The following PBRM1 variants were observed in gnomAD, a reference collection of about 807,000 sequenced individuals.
PBRM1 encodes polybromo 1, also known as protein polybromo-1.
PBRM1 carries 27 observed loss-of-function variants against 194.5 expected under a neutral mutation model. That is an observed-to-expected ratio of 0.14 (90% CI 0.10 to 0.19). The LOEUF (loss-of-function observed/expected upper bound fraction) is 0.19, where lower values mean the gene tolerates loss of function less well. PBRM1 is among the 10% of genes least tolerant of loss of function. PBRM1 has a pLI of 1.00. For synonymous variants in PBRM1, 655 were observed against 693.2 expected (o/e 0.94, Z 0.87); for missense variants, 1,466 against 2,077.2 (o/e 0.71, Z 5.72).
At chr3:52,565,392 C>T (rs2084858656) in intron 22 of PBRM1, among the ~76,000 whole-genome samples, 1 of 151,670 alleles carries the variant, frequency 6.6e-6, no homozygotes, top group South Asian at 2.1e-4. Flanking sequence ...CCTGTAAGCC[C>T]AGCTACTCAG....
intron 5 of PBRM1, 81 bp downstream of exon 6, chr3:52,658,114 ACTTT>A (rs2096644565): frequency 2.7e-6 from 2 of 737,022 alleles, no homozygotes; most frequent in Non-Finnish European, 2.5e-6. Context: ...TTTTGAACTT[ACTTT>A]ATTTATCAGT....
At chr3:52,650,031 T>C (rs2153795598) in intron 6 of PBRM1, among the ~76,000 whole-genome samples, 1 of 152,172 alleles carries the variant, frequency 6.6e-6, no homozygotes, top group South Asian at 2.1e-4. Context: ...TTAGGAGACT[T>C]GAGTCATTCT....
intron 20 of PBRM1, among the ~76,000 whole-genome samples, chr3:52,580,112 C>T (rs910227535): frequency 1.3e-5 from 2 of 152,112 alleles, no homozygotes; most frequent in Middle Eastern, 3.4e-3. Context: ...TGGTGACATG[C>T]GCCTGTATTC....
At chr3:52,553,592 T>C (rs1333044230) in intron 27 of PBRM1, among the ~76,000 whole-genome samples, 1 of 149,028 alleles carries the variant, frequency 6.7e-6, no homozygotes, top group Admixed American at 6.8e-5. Flanking sequence ...CAGGCTCAGG[T>C]AATTCTCCCA....
chr3:52,639,959 T>C (rs890939870), intron 10 of PBRM1, among the ~76,000 whole-genome samples: 6 of 152,138 alleles, frequency 3.9e-5, no homozygotes, highest in Non-Finnish European at 8.8e-5. Context: ...CAAATCTCTA[T>C]CTTCATTCGT....
rs3733045 is a variant in PBRM1 at position 52,609,291 on chromosome 3, A to G, written c.2567+22T>C. 0.42 allele frequency: 660,582 copies of G among 1,575,188 alleles called. 141,210 individuals carry two copies. Among genetic ancestry groups the G allele is most frequent in the Admixed American group, 0.54 (31,247 of 57,416 alleles). On this transcript the variant is annotated intron_variant, in intron 16 of 29. Transcript: ENST00000296302. This position sits in a 1 kb window ranked among gnomAD's most constrained non-coding sequence, Gnocchi z 4.1. ...ATTAAATAGCACATATCCTCAAAAT[A>G]AAAATGGCTTTGAAAACATACCGAT...
At chr3:52,652,530 T>A (rs934444873) in intron 5 of PBRM1, among the ~76,000 whole-genome samples, 1 of 144,560 alleles carries the variant, frequency 6.9e-6, no homozygotes, top group Non-Finnish European at 1.5e-5. Flanking sequence ...CTACTAAAAA[T>A]AGAAAAAAAA....
At chr3:52,668,156 G>GC (rs1192314195) in intron 3 of PBRM1, among the ~76,000 whole-genome samples, 1 of 152,128 alleles carries the variant, frequency 6.6e-6, no homozygotes, top group African/African-American at 2.4e-5. Flanking sequence ...AATTAGCTGG[G>GC]CATGGTGGCA....
At chr3:52,600,649 C>T (rs2153275327) in intron 17 of PBRM1, among the ~76,000 whole-genome samples, 1 of 152,102 alleles carries the variant, frequency 6.6e-6, no homozygotes, top group Admixed American at 6.6e-5. Flanking sequence ...TGATAAATTA[C>T]TTTGTTTTTG....
intron 16 of PBRM1, among the ~76,000 whole-genome samples, chr3:52,605,027 T>C (rs944940930): frequency 2.6e-5 from 4 of 151,420 alleles, no homozygotes; most frequent in African/African-American, 7.3e-5. Flanking sequence ...CTTCAGACTT[T>C]AGAATTTTGA....
intron 12 of PBRM1, among the ~76,000 whole-genome samples, chr3:52,628,616 G>A (rs1198453710): frequency 3.3e-5 from 5 of 151,774 alleles, no homozygotes; most frequent in African/African-American, 7.3e-5. Flanking sequence ...GACTACAGGC[G>A]TGTGCCATCA....
intron 9 of PBRM1, among the ~76,000 whole-genome samples, chr3:52,642,405 A>C (rs1026068268): frequency 3.9e-5 from 6 of 152,120 alleles, no homozygotes; most frequent in Admixed American, 6.5e-5. Flanking sequence ...ACCTGAGGTC[A>C]GGAGTTTGAG....
At chr3:52,546,136 T>C (rs2079651969), downstream of PBRM1, 6 of 232,336 alleles carry the variant, frequency 2.6e-5, no homozygotes, top group Non-Finnish European at 5.1e-5. Context: ...GTGAAAAATT[T>C]TTTTAGAGGC....
At chr3:52,576,648 A>T in exon 22 of PBRM1, 1 of 1,610,372 alleles carries the variant, frequency 6.2e-7, no homozygotes, top group Non-Finnish European at 8.5e-7. Context: ...GTGAATGAAG[A>T]TGGGGCCATA....
intron 10 of PBRM1, among the ~76,000 whole-genome samples, chr3:52,639,272 GGCCT>G (rs2095970736): frequency 2.0e-5 from 3 of 152,060 alleles, no homozygotes; most frequent in Non-Finnish European, 4.4e-5. Flanking sequence ...CACCAAGCCT[GGCCT>G]TATTCACACA....
intron 18 of PBRM1, 59 bp from the exon 21 acceptor site, chr3:52,587,569 A>ATT: frequency 1.0e-6 from 1 of 969,376 alleles, no homozygotes; most frequent in Non-Finnish European, 1.4e-6. Context: ...AACAGAAATC[A>ATT]CTTTTTTTTT....
intron 17 of PBRM1, 113 bp from the exon 20 acceptor site, chr3:52,589,368 C>T (rs933924597): frequency 1.2e-5 from 7 of 570,478 alleles, no homozygotes; most frequent in Non-Finnish European, 1.4e-5. Flanking sequence ...ACATTTAATT[C>T]CATTTGCAAC....
chr3:52,618,191 T>C (rs2095070765), intron 13 of PBRM1, among the ~76,000 whole-genome samples: 6 of 152,222 alleles, frequency 3.9e-5, no homozygotes, highest in Admixed American at 3.9e-4. Context: ...AATCTGAGTT[T>C]TCTAGAGTAA....
At chr3:52,582,281 C>T (rs1560057919) in intron 20 of PBRM1, among the ~76,000 whole-genome samples, 1 of 149,946 alleles carries the variant, frequency 6.7e-6, no homozygotes, top group Admixed American at 6.7e-5. Flanking sequence ...CTGTCTTGGT[C>T]ATATAATATT....
Sources: gnomAD v4.1 joint callset for allele counts (sites outside exome capture counted in the v4.1 genomes callset) on GRCh38, gnomAD v4.1.1 for gene constraint, Gnocchi (gnomAD v3.1) non-coding constraint, MANE v1.5 for transcripts, NCBI Gene and HGNC (gene_info 2026-07-23, HGNC 2026-07-21) for gene names.